Variants in MCOLN1 observed in about 807,000 individuals in gnomAD.
MCOLN1 encodes mucolipin-1.
A neutral mutation model predicts 70.3 loss-of-function variants in MCOLN1; 50 were observed. The observed-to-expected ratio is 0.71, with a 90% CI of 0.57 to 0.90. MCOLN1 has a LOEUF of 0.90. MCOLN1 is among the 40% of genes least tolerant of loss of function. The pLI, the probability that MCOLN1 is intolerant of heterozygous loss-of-function variation, is 0.00. For synonymous variants in MCOLN1, 366 were observed against 341.0 expected, an observed-to-expected ratio of 1.07 and a Z score of -0.81; for missense variants, 598 against 803.5, an observed-to-expected ratio of 0.74 and a Z score of 3.09.
intron 5 of MCOLN1, 80 bp downstream of exon 5, chr19:7,527,708 T>A: frequency 8.7e-7 from 1 of 1,142,952 alleles, no homozygotes; most frequent in Non-Finnish European, 1.3e-6. Context: ...ACTACTTCCC[T>A]AAGGTGGGGA....
Position 7,526,871 on chromosome 19 carries a change from A to C in MCOLN1, c.516A>C (p.Arg172=). The C allele has an allele frequency of 6.2e-7, 1 of 1,614,142 alleles. No homozygotes were observed. Among genetic ancestry groups the C allele is most frequent in the Non-Finnish European group, 8.5e-7 (1 of 1,180,018 alleles). Residue 172 remains arginine, a synonymous_variant, in exon 4 of 14, where the codon CGA becomes CGC. Transcript: ENST00000264079. This position sits in a 1 kb window ranked among gnomAD's most constrained non-coding sequence, Gnocchi z 4.6. ...CTCTCTGCCAGCGGTACTACCACCG[A>C]GGCCACGTGGACCCGGCCAACGACA... is the stretch of plus-strand genomic sequence containing the variant. ...GLALCQRYYH[R]GHVDPANDTF... is the part of the protein sequence containing the mutation.
At chr19:7,532,651 G>A (rs1568400891) in intron 12 of MCOLN1, among the ~76,000 whole-genome samples, 1 of 152,162 alleles carries the variant, frequency 6.6e-6, no homozygotes, top group African/African-American at 2.4e-5. Flanking sequence ...GGACGTAGAG[G>A]TTGCAGTGAG....
At position 7,529,422 on chromosome 19, in the gene MCOLN1, C is replaced by T. The variant is rs115102140; in HGVS notation, c.1237-168C>T. 8.7e-4 allele frequency among the ~76,000 whole-genome samples: 133 copies of T among 152,312 alleles called. 1 individual carries two copies. Among genetic ancestry groups the T allele is most frequent in the African/African-American group, 2.9e-3 (120 of 41,574 alleles). On this transcript the variant is annotated intron_variant, in intron 10 of 13. Transcript: ENST00000264079. Reference sequence around the variant, plus strand: ...GCTGAGTCTAGCCGTGCGTTGCCCTCGGACCCCCTCAGACGTGGCCACGCC... The same window carrying T: ...GCTGAGTCTAGCCGTGCGTTGCCCTTGGACCCCCTCAGACGTGGCCACGCC...
chr19:7,530,617 G>T, intron 12 of MCOLN1, 116 bp downstream of exon 12: 1 of 1,044,676 alleles, frequency 9.6e-7, no homozygotes, highest in Non-Finnish European at 1.5e-6. Flanking sequence ...GAATATGGGA[G>T]ACTCTATGAA....
intron 12 of MCOLN1, among the ~76,000 whole-genome samples, chr19:7,531,691 G>A (rs8108870): frequency 3.3e-5 from 5 of 151,244 alleles, no homozygotes; most frequent in Middle Eastern, 3.2e-3. Flanking sequence ...TTTTTGAGAC[G>A]GAGTCTCGCT....
chr19:7,528,942 C>T lies in MCOLN1; in HGVS notation c.1106C>T (p.Thr369Ile). ...AGCGATGTGCTCACCATCTCGGGCACCATCATGAAGATCGGCATCGAGGCC... is the reference window on the plus strand; with the variant it reads ...AGCGATGTGCTCACCATCTCGGGCATCATCATGAAGATCGGCATCGAGGCC... ...VTSDVLTISG[T>I]IMKIGIEAKN... Residue 369 changes from threonine to isoleucine, a missense_variant, in exon 9 of 14, where the codon ACC (threonine) becomes ATC (isoleucine). Thr to Ile is a moderately conservative substitution (Grantham distance 89). This residue lies in a region of MCOLN1 where 461 missense variants were observed against 588.4 expected (regional missense o/e 0.78). Transcript: ENST00000264079. The surrounding 1 kb of genome is among the most constrained non-coding windows in gnomAD (Gnocchi z 4.2). The T allele has an allele frequency of 1.2e-6, 2 of 1,614,146 alleles. No homozygotes were observed. Among genetic ancestry groups the T allele is most frequent in the Non-Finnish European group, 1.7e-6 (2 of 1,180,022 alleles).
chr19:7,529,238 G>A, intron 10 of MCOLN1, 36 bp downstream of exon 10: 1 of 1,548,806 alleles, frequency 6.5e-7, no homozygotes, highest in Non-Finnish European at 8.9e-7. Context: ...CTTCCACATG[G>A]TTACTCCACA....
intron 10 of MCOLN1, 67 bp from the exon 11 acceptor site, chr19:7,529,523 C>CAAAA: frequency 8.6e-7 from 1 of 1,156,288 alleles, no homozygotes; most frequent in Non-Finnish European, 1.2e-6. Flanking sequence ...CCACCCCCAT[C>CAAAA]TGGGTGCCCA....
chr19:7,530,289 C>T lies in MCOLN1; in HGVS notation c.1363C>T (p.Arg455Cys), dbSNP rs747683527. 4.3e-6 allele frequency: 7 copies of T among 1,612,608 alleles called. No homozygotes were observed. The highest frequency in any genetic ancestry group is 1.7e-5 in the Admixed American group (1 of 60,022). The change falls in exon 12 of 14, where the codon CGC becomes TGC. Residue 455 changes from arginine to cysteine, a missense_variant. Around this residue, in one of 3 missense-constraint regions of MCOLN1, gnomAD observed 78 missense variants for 156.2 expected, o/e 0.50. Coordinates refer to ENST00000264079, the MANE Select transcript of MCOLN1 (RefSeq NM_020533.3). ...IVLGPYHVKF[R>C]SLSMVSECLF... The stretch of plus-strand genomic sequence containing the variant: ...GACCCCGCCGCCCCTCTGGCAGTTC[C>T]GCTCACTCTCCATGGTGTCTGAGTG...
At chr19:7,532,165 C>T (rs1217777839) in intron 12 of MCOLN1, among the ~76,000 whole-genome samples, 1 of 152,134 alleles carries the variant, frequency 6.6e-6, no homozygotes, top group Non-Finnish European at 1.5e-5. Flanking sequence ...TATCTAAGGG[C>T]CAAGATCTGT....
rs893263408 is a variant in MCOLN1 at position 7,524,826 on chromosome 19, T to G, written c.32-135T>G. 1 of 739,224 alleles carries G rather than the reference T, an allele frequency of 1.4e-6. No homozygotes were observed. The highest frequency in any genetic ancestry group is 2.3e-6 in the Non-Finnish European group (1 of 425,740). 45.8% of individuals were successfully genotyped at this position (739,224 alleles called of 1,614,324 possible). A position where few individuals can be genotyped will look rare whatever the true frequency, so the allele number is the denominator to read the frequency against. On this transcript the variant is annotated intron_variant, in intron 1 of 13. Coordinates refer to ENST00000264079, the MANE Select transcript of MCOLN1 (RefSeq NM_020533.3). The surrounding 1 kb of genome is among the most constrained non-coding windows in gnomAD (Gnocchi z 4.1). Reference sequence around the variant, plus strand: ...AATGTCACAGGTTTTCTGGTTTTCTTTAGACCTCTCAGAGCTCTTCCTTGG... The same window carrying G: ...AATGTCACAGGTTTTCTGGTTTTCTGTAGACCTCTCAGAGCTCTTCCTTGG...
At position 7,530,372 on chromosome 19, in the gene MCOLN1, G is replaced by A. The variant is rs998552423; in HGVS notation, c.1446G>A (p.Ala482=). The A allele has an allele frequency of 6.8e-6, 11 of 1,613,844 alleles. No individual in the cohort carries two copies. Among genetic ancestry groups the A allele is most frequent in the South Asian group, 1.1e-5 (1 of 91,084 alleles). ...DMFVTFAAMQ[A]QQGRSSLVWL... is the part of the protein sequence containing the mutation. ...TTGTGACGTTCGCCGCCATGCAGGC[G>A]CAGCAGGGCCGCAGCAGCCTGGTGT... The change falls in exon 12 of 14, where the codon GCG becomes GCA. Residue 482 remains alanine, a synonymous_variant. Transcript: ENST00000264079.
Position 7,528,867 on chromosome 19 carries a change from T to C in MCOLN1, c.1031T>C (p.Leu344Pro). Residue 344 changes from leucine (L) to proline (P), a missense_variant, in exon 9 of 14, where the codon CTG becomes CCG. Around this residue, in one of 3 missense-constraint regions of MCOLN1, gnomAD observed 461 missense variants for 588.4 expected, o/e 0.78. Transcript: ENST00000264079. The surrounding 1 kb of genome is among the most constrained non-coding windows in gnomAD (Gnocchi z 4.2). ...CGGCAGCGGGGACGGGTCATCAGCC[T>C]GTGGGAGCGGCTGGAATTTGTCAAT... is the stretch of plus-strand genomic sequence containing the variant. ...MWRQRGRVIS[L>P]WERLEFVNGW... The C allele has an allele frequency of 1.9e-6, 3 of 1,614,222 alleles. No homozygotes were observed. The highest frequency in any genetic ancestry group is 2.5e-6 in the Non-Finnish European group (3 of 1,180,032).
intron 12 of MCOLN1, among the ~76,000 whole-genome samples, chr19:7,532,188 G>T (rs1368321498): frequency 6.6e-6 from 1 of 152,210 alleles, no homozygotes; most frequent in Non-Finnish European, 1.5e-5. Flanking sequence ...TGGGTTCTGG[G>T]CATGGAGGAA....
rs58693129 is a variant in MCOLN1, at chr19:7,531,211, T to A, written c.1575+710T>A. 3.6e-3 allele frequency among the ~76,000 whole-genome samples: 544 copies of A among 151,970 alleles called. 2 individuals carry two copies. Among genetic ancestry groups the A allele is most frequent in the East Asian group, 0.013 (66 of 5,144 alleles). On this transcript the variant is annotated intron_variant, in intron 12 of 13. Transcript: ENST00000264079. The stretch of plus-strand genomic sequence containing the variant: ...CCACACCCAGCCTATTATTATTATT[T>A]TTTTTTTGAAATGGAATCTTACCCT...
At chr19:7,533,397 G>T (rs1599258181) in intron 12 of MCOLN1, 126 bp from the exon 13 acceptor site, 2 of 1,288,006 alleles carry the variant, frequency 1.6e-6, no homozygotes, top group Non-Finnish European at 1.1e-6. Context: ...GGTGGAGCAG[G>T]CCCAGCAAGT....
Position 7,524,065 on chromosome 19 carries a change from C to T in MCOLN1, c.32-896C>T, listed in dbSNP as rs535351420. On this transcript the variant is annotated intron_variant, in intron 1 of 13. Coordinates refer to ENST00000264079, the MANE Select transcript of MCOLN1 (RefSeq NM_020533.3). This position sits in a 1 kb window ranked among gnomAD's most constrained non-coding sequence, Gnocchi z 4.1. The stretch of plus-strand genomic sequence containing the variant: ...TTTTTTTTTGTAGACAGGGAGGTCT[C>T]GCTGTATTACCTAGGCTGGATCCTC... Among the ~76,000 whole-genome samples, 13 of 152,026 alleles carry T rather than the reference C, an allele frequency of 8.6e-5. No homozygotes were observed. The highest frequency in any genetic ancestry group is 6.6e-5 in the Admixed American group (1 of 15,266).
At position 7,527,906 on chromosome 19, in the gene MCOLN1, C is replaced by T. The variant is rs758402044; in HGVS notation, c.723C>T (p.Asn241=). ...VTIHFRLKTI[N]LQSLINNEIP... The stretch of plus-strand genomic sequence containing the variant: ...TCCACTTCCGGCTGAAGACCATTAA[C>T]CTCCAGAGCCTCATCAATAATGAGA... The change falls in exon 6 of 14, where the codon AAC becomes AAT. Residue 241 remains asparagine, a synonymous_variant. Transcript: ENST00000264079. 2 of 1,614,194 alleles carry T rather than the reference C, an allele frequency of 1.2e-6. No individual in the cohort carries two copies. The highest frequency in any genetic ancestry group is 8.5e-7 in the Non-Finnish European group (1 of 1,180,018).
rs142259322 is a variant in MCOLN1, at chr19:7,526,768, C to T, written c.413C>T (p.Ala138Val). The T allele has an allele frequency of 9.3e-5, 150 of 1,613,938 alleles. No homozygotes were observed. In the African/African-American group the frequency reaches 1.4e-3, roughly 15 times the overall value. ...CCCCTTCTCTGCCCACAGTACCTGGCGTTGCCTGACGTGTCACTGGGCCGG... is the reference window on the plus strand; with the variant it reads ...CCCCTTCTCTGCCCACAGTACCTGGTGTTGCCTGACGTGTCACTGGGCCGG... ...AIFHAVDQYL[A>V]LPDVSLGRYA... Residue 138 changes from alanine to valine, a missense_variant, in exon 4 of 14, where the codon GCG becomes GTG. Ala to Val is a moderately conservative substitution (Grantham distance 64). Around this residue, in one of 3 missense-constraint regions of MCOLN1, gnomAD observed 461 missense variants for 588.4 expected, o/e 0.78. Coordinates refer to ENST00000264079, the MANE Select transcript of MCOLN1 (RefSeq NM_020533.3). This position sits in a 1 kb window ranked among gnomAD's most constrained non-coding sequence, Gnocchi z 4.6.
Sources: allele counts gnomAD v4.1 joint callset (sites outside exome capture counted in the v4.1 genomes callset), GRCh38; gene constraint gnomAD v4.1.1; regional missense constraint gnomAD v4.1.1; non-coding constraint Gnocchi (gnomAD v3.1); transcripts MANE v1.5; gene names NCBI Gene and HGNC (gene_info 2026-07-23, HGNC 2026-07-21).